Variants in PPFIBP1 observed in about 807,000 individuals in gnomAD.
The protein encoded by PPFIBP1 is PPFIB scaffold protein 1.
In PPFIBP1, 112 loss-of-function variants were observed where a neutral mutation model predicts 137.8. That is an observed-to-expected ratio of 0.81 (90% CI 0.70 to 0.95). The LOEUF (loss-of-function observed/expected upper bound fraction) is 0.95, where lower values mean the gene tolerates loss of function less well. Ranked by LOEUF, PPFIBP1 falls within the 40% of genes least tolerant of loss-of-function variation. The pLI is 0.00. For synonymous variants in PPFIBP1, 378 were observed against 417.3 expected, an observed-to-expected ratio of 0.91 and a Z score of 1.15; for missense variants, 1,083 against 1,196.6, an observed-to-expected ratio of 0.91 and a Z score of 1.40.
chr12:27,576,307 A>T (rs1257778428), intron 1 of PPFIBP1, among the ~76,000 whole-genome samples: 1 of 152,176 alleles, frequency 6.6e-6, no homozygotes, highest in Non-Finnish European at 1.5e-5. Context: ...TAAACCTTGC[A>T]CATGGAATTC....
chr12:27,660,992 A>G, intron 11 of PPFIBP1, 47 bp downstream of exon 11: 1 of 1,601,384 alleles, frequency 6.2e-7, no homozygotes, highest in Non-Finnish European at 8.5e-7. Context: ...TTTTAACACC[A>G]TTTTGACCAT....
intron 5 of PPFIBP1, 142 bp downstream of exon 5, chr12:27,646,290 T>G: frequency 1.4e-6 from 1 of 701,414 alleles, no homozygotes; most frequent in Non-Finnish European, 2.6e-6. Flanking sequence ...CAATAGGGAG[T>G]GGTGAGGATT....
intron 10 of PPFIBP1, among the ~76,000 whole-genome samples, chr12:27,659,138 A>G (rs1341581704): frequency 1.3e-5 from 2 of 152,236 alleles, no homozygotes; most frequent in African/African-American, 2.4e-5. Flanking sequence ...TAGGTGATTC[A>G]GGGTCAGAGG....
At chr12:27,649,558 A>G (rs547353084) in intron 6 of PPFIBP1, among the ~76,000 whole-genome samples, 3 of 151,822 alleles carry the variant, frequency 2.0e-5, no homozygotes, top group South Asian at 4.2e-4. Flanking sequence ...ATTTTATTTT[A>G]TTTTATTTTT....
At chr12:27,609,934 A>G (rs2054914523) in intron 2 of PPFIBP1, among the ~76,000 whole-genome samples, 1 of 152,126 alleles carries the variant, frequency 6.6e-6, no homozygotes, top group Admixed American at 6.5e-5. Context: ...GCCCCAGTCT[A>G]TTGCTTTTTG....
intron 2 of PPFIBP1, among the ~76,000 whole-genome samples, chr12:27,600,877 A>G (rs1177810293): frequency 6.6e-6 from 1 of 152,208 alleles, no homozygotes. Flanking sequence ...ATGGGGTACG[A>G]TGTCATATTT....
At chr12:27,656,883 C>T (rs1298638018) in intron 9 of PPFIBP1, 153 bp downstream of exon 9, 2 of 559,368 alleles carry the variant, frequency 3.6e-6, no homozygotes, top group East Asian at 3.1e-5. Flanking sequence ...TTCTCCAAGA[C>T]TCTTTACTGT....
intron 2 of PPFIBP1, among the ~76,000 whole-genome samples, chr12:27,579,337 C>T (rs572893952): frequency 1.3e-5 from 2 of 152,222 alleles, no homozygotes; most frequent in Non-Finnish European, 2.9e-5. Flanking sequence ...AAAGTGCACA[C>T]ATCATTAAGT....
chr12:27,577,596 C>T (rs544244911), intron 1 of PPFIBP1, among the ~76,000 whole-genome samples: 1 of 152,052 alleles, frequency 6.6e-6, no homozygotes, highest in Non-Finnish European at 1.5e-5. Flanking sequence ...GATATATGTT[C>T]CTGTATATAC....
Position 27,617,340 on chromosome 12 carries a change from A to G in PPFIBP1, c.-35-16022A>G, listed in dbSNP as rs947652826. ...CTAGGGAAAAGGTATGTCTCTTGGC[A>G]GGTGGGATCCCTTCACCTGGTCCAC... On this transcript the variant is annotated intron_variant, in intron 2 of 29. Transcript: ENST00000228425. Among the ~76,000 whole-genome samples the G allele has an allele frequency of 3.0e-4, 46 of 152,232 alleles. 3 individuals are homozygous for G. Among genetic ancestry groups the G allele is most frequent in the Non-Finnish European group, 1.5e-5 (1 of 68,034 alleles).
intron 18 of PPFIBP1, chr12:27,676,826 A>G (rs1565995884): frequency 1.1e-5 from 8 of 710,690 alleles, no homozygotes; most frequent in Middle Eastern, 5.2e-4. Flanking sequence ...CTTAGCGGAA[A>G]GACCTAAAAT....
intron 26 of PPFIBP1, 26 bp from the exon 27 acceptor site, chr12:27,688,989 A>G: frequency 6.4e-7 from 1 of 1,564,484 alleles, no homozygotes; most frequent in Admixed American, 1.9e-5. Flanking sequence ...GACTTTTGAC[A>G]AGCTTTTTTT....
At chr12:27,562,917 C>T (rs1167493699) in intron 1 of PPFIBP1, among the ~76,000 whole-genome samples, 1 of 152,070 alleles carries the variant, frequency 6.6e-6, no homozygotes, top group East Asian at 1.9e-4. Context: ...GATTGGAATA[C>T]TTGAATCTCT....
At chr12:27,543,219 C>T (rs1945852861) in intron 1 of PPFIBP1, among the ~76,000 whole-genome samples, 1 of 152,140 alleles carries the variant, frequency 6.6e-6, no homozygotes, top group African/African-American at 2.4e-5. Context: ...TTTATTTAGG[C>T]TTTTTCATTT....
intron 1 of PPFIBP1, among the ~76,000 whole-genome samples, chr12:27,537,699 A>G (rs1392836768): frequency 6.6e-6 from 1 of 151,964 alleles, no homozygotes; most frequent in Non-Finnish European, 1.5e-5. Flanking sequence ...TTTTAAAAAG[A>G]GGTCTGGCCA....
intron 2 of PPFIBP1, among the ~76,000 whole-genome samples, chr12:27,613,823 A>T (rs2055433225): frequency 1.3e-5 from 2 of 152,026 alleles, no homozygotes; most frequent in African/African-American, 4.8e-5. Flanking sequence ...AGCACGAGGG[A>T]CTTTCTTGTG....
At chr12:27,638,278 A>G (rs1225516606) in intron 4 of PPFIBP1, among the ~76,000 whole-genome samples, 1 of 152,242 alleles carries the variant, frequency 6.6e-6, no homozygotes, top group Non-Finnish European at 1.5e-5. Context: ...TAAGGAACAC[A>G]GAATCCTAGC....
At chr12:27,691,464 C>T (rs892654479) in intron 27 of PPFIBP1, among the ~76,000 whole-genome samples, 4 of 152,066 alleles carry the variant, frequency 2.6e-5, no homozygotes, top group Admixed American at 6.5e-5. Flanking sequence ...TTGTTTATCA[C>T]GGTGACTATT....
At chr12:27,595,348 T>G (rs1211538520) in intron 2 of PPFIBP1, among the ~76,000 whole-genome samples, 2 of 152,060 alleles carry the variant, frequency 1.3e-5, no homozygotes, top group Non-Finnish European at 2.9e-5. Context: ...ATGGAAGAAG[T>G]GCTGCTAACT....
Sources: gnomAD v4.1 joint callset for allele counts (sites outside exome capture counted in the v4.1 genomes callset) on GRCh38, gnomAD v4.1.1 for gene constraint, MANE v1.5 for transcripts, NCBI Gene and HGNC (gene_info 2026-07-23, HGNC 2026-07-21) for gene names.